RFX3: variants seen among roughly 807,000 people sequenced by gnomAD.
RFX3 encodes the protein transcription factor RFX3.
RFX3 carries 14 observed loss-of-function variants against 98.6 expected under a neutral mutation model. The observed-to-expected ratio is 0.14, with a 90% CI of 0.09 to 0.22. RFX3 has a LOEUF of 0.22. Ranked by LOEUF, RFX3 falls within the 10% of genes least tolerant of loss-of-function variation. The pLI is 1.00. For synonymous variants in RFX3, 383 were observed against 328.4 expected, an observed-to-expected ratio of 1.17 and a Z score of -1.80; for missense variants, 639 against 926.9, an observed-to-expected ratio of 0.69 and a Z score of 4.03.
At chr9:3,349,167 G>A (rs541878475) in intron 2 of RFX3, among the ~76,000 whole-genome samples, 1 of 151,786 alleles carries the variant, frequency 6.6e-6, no homozygotes, top group Admixed American at 6.6e-5. Flanking sequence ...GGATATATTT[G>A]TCCATCTTTG....
intron 15 of RFX3, among the ~76,000 whole-genome samples, chr9:3,234,935 A>G (rs1394395327): frequency 6.6e-6 from 1 of 152,232 alleles, no homozygotes; most frequent in Non-Finnish European, 1.5e-5. Flanking sequence ...CAACTGATGA[A>G]GGTCACAAGG....
intron 2 of RFX3, among the ~76,000 whole-genome samples, chr9:3,387,040 T>C (rs1839799935): frequency 6.6e-6 from 1 of 152,192 alleles, no homozygotes; most frequent in South Asian, 2.1e-4. Context: ...TTATTTCACT[T>C]GAAATCTTTC....
intron 1 of RFX3, among the ~76,000 whole-genome samples, chr9:3,475,710 G>C (rs1019197555): frequency 2.6e-5 from 4 of 152,234 alleles, no homozygotes; most frequent in African/African-American, 9.6e-5. Flanking sequence ...GATGGAACAT[G>C]AAAGTGGACT....
intron 4 of RFX3, among the ~76,000 whole-genome samples, chr9:3,322,065 C>T (rs2991303): frequency 1 from 151,454 of 152,138 alleles, 75,387 homozygotes; most frequent in East Asian, 1. Flanking sequence ...TGTTTCCCTC[C>T]ACCCCATCCC....
intron 1 of RFX3, among the ~76,000 whole-genome samples, chr9:3,422,329 C>T (rs1405113033): frequency 5.3e-5 from 8 of 152,174 alleles, no homozygotes; most frequent in Admixed American, 5.2e-4. Flanking sequence ...CTTTGTGTTG[C>T]TGTTGTTGGT....
At chr9:3,350,252 G>C (rs1381419254) in intron 2 of RFX3, among the ~76,000 whole-genome samples, 1 of 152,038 alleles carries the variant, frequency 6.6e-6, no homozygotes, top group Non-Finnish European at 1.5e-5. Context: ...TTTACAAAGA[G>C]CTCTTAAAAC....
At chr9:3,372,592 G>C (rs1161698015) in intron 2 of RFX3, among the ~76,000 whole-genome samples, 1 of 146,602 alleles carries the variant, frequency 6.8e-6, no homozygotes, top group Non-Finnish European at 1.5e-5. Context: ...CTGTCACACA[G>C]GCTGGAGTGC....
Position 3,504,936 on chromosome 9 carries a change from AT to A in RFX3, c.-9+20810del, listed in dbSNP as rs1341253332. Among the ~76,000 whole-genome samples, 4 of 18,912 alleles carry A rather than the reference AT, an allele frequency of 2.1e-4. No homozygotes were observed. In the East Asian group the frequency reaches 4.4e-3, roughly 21 times the overall value. The allele number at this position is 18,912 out of a possible 152,430, so 12.4% of individuals were successfully genotyped here. On this transcript the variant is annotated intron_variant, in intron 1 of 16. Coordinates refer to ENST00000617270, the MANE Select transcript of RFX3 (RefSeq NM_001282116.2). ...TATAATATAACATATATTATATATA[AT>A]ATATATAATATAATATATATTATAT...
At chr9:3,503,664 CT>C (rs1816294898) in intron 1 of RFX3, among the ~76,000 whole-genome samples, 1 of 151,940 alleles carries the variant, frequency 6.6e-6, no homozygotes, top group African/African-American at 2.4e-5. Flanking sequence ...CCATTAGTAA[CT>C]TTTATTTAAA....
chr9:3,239,778 T>C (rs1448036792), intron 15 of RFX3, among the ~76,000 whole-genome samples: 4 of 152,242 alleles, frequency 2.6e-5, no homozygotes, highest in African/African-American at 9.6e-5. Flanking sequence ...GTCCCTTTCC[T>C]ACAGTGTAAG....
intron 1 of RFX3, among the ~76,000 whole-genome samples, chr9:3,428,271 TCTC>T (rs1844306952): frequency 2.0e-5 from 3 of 152,144 alleles, no homozygotes; most frequent in African/African-American, 4.8e-5. Flanking sequence ...AATTTCTATT[TCTC>T]CTCTTTTCTC....
At chr9:3,331,342 A>T (rs2130898292) in intron 3 of RFX3, among the ~76,000 whole-genome samples, 1 of 152,082 alleles carries the variant, frequency 6.6e-6, no homozygotes, top group South Asian at 2.1e-4. Flanking sequence ...AGCTTATTTG[A>T]TTCATCTATT....
intron 2 of RFX3, among the ~76,000 whole-genome samples, chr9:3,382,496 T>A (rs1008355793): frequency 6.6e-6 from 1 of 152,190 alleles, no homozygotes; most frequent in African/African-American, 2.4e-5. Context: ...TATATCCTAC[T>A]AATTAAAACA....
intron 4 of RFX3, among the ~76,000 whole-genome samples, chr9:3,317,912 A>G (rs963262576): frequency 1.3e-5 from 2 of 152,238 alleles, no homozygotes; most frequent in African/African-American, 4.8e-5. Context: ...GAACACTTTT[A>G]CACTGTTGGT....
At chr9:3,288,670 A>G (rs1586893173) in intron 6 of RFX3, among the ~76,000 whole-genome samples, 1 of 152,110 alleles carries the variant, frequency 6.6e-6, no homozygotes, top group African/African-American at 2.4e-5. Context: ...ATTGTAAAGC[A>G]TGTATATAGA....
At chr9:3,513,206 A>G (rs1351141296) in intron 1 of RFX3, among the ~76,000 whole-genome samples, 3 of 152,138 alleles carry the variant, frequency 2.0e-5, no homozygotes, top group Admixed American at 1.3e-4. Context: ...AATTTATCCA[A>G]TTATCTTAGG....
At chr9:3,453,645 G>C (rs1191362690) in intron 1 of RFX3, 2 of 154,492 alleles carry the variant, frequency 1.3e-5, no homozygotes, top group East Asian at 3.9e-4. Context: ...AGAAGGCAGA[G>C]GTTGCAGTGA....
intron 2 of RFX3, among the ~76,000 whole-genome samples, chr9:3,383,016 G>C (rs141867635): frequency 9.1e-4 from 139 of 152,146 alleles, no homozygotes; most frequent in Admixed American, 4.0e-3. Flanking sequence ...ACTTATTTCA[G>C]ATTGGCAAAG....
At chr9:3,478,438 T>C (rs1440570748) in intron 1 of RFX3, among the ~76,000 whole-genome samples, 1 of 151,556 alleles carries the variant, frequency 6.6e-6, no homozygotes, top group Non-Finnish European at 1.5e-5. Context: ...TAGGATCTTG[T>C]TTTTATTTGT....
Sources: gnomAD v4.1 joint callset for allele counts (sites outside exome capture counted in the v4.1 genomes callset) on GRCh38, gnomAD v4.1.1 for gene constraint, MANE v1.5 for transcripts, NCBI Gene and HGNC (gene_info 2026-07-23, HGNC 2026-07-21) for gene names.